DENND2B: variants seen among roughly 807,000 people sequenced by gnomAD.
The protein encoded by DENND2B is DENN domain containing 2B, also known as DENN domain-containing protein 2B.
In DENND2B, 32 loss-of-function variants were observed where a neutral mutation model predicts 116.0. The ratio of observed to expected loss-of-function variants is 0.28; its 90% confidence interval spans 0.21 to 0.37. DENND2B has a LOEUF of 0.37. DENND2B is among the 10% of genes least tolerant of loss of function. The pLI, the probability that DENND2B is intolerant of heterozygous loss-of-function variation, is 1.00. For synonymous variants in DENND2B, 588 were observed against 583.9 expected, an observed-to-expected ratio of 1.01 and a Z score of -0.10; for missense variants, 1,276 against 1,477.7, an observed-to-expected ratio of 0.86 and a Z score of 2.24.
At chr11:8,887,398 T>C (rs951162027) in intron 1 of DENND2B, among the ~76,000 whole-genome samples, 2 of 152,148 alleles carry the variant, frequency 1.3e-5, no homozygotes, top group African/African-American at 2.4e-5. Flanking sequence ...GTATTTTCCC[T>C]CTCTCCCCAC....
At chr11:8,884,676 A>G (rs1211890406) in intron 1 of DENND2B, among the ~76,000 whole-genome samples, 4 of 152,152 alleles carry the variant, frequency 2.6e-5, no homozygotes, top group Non-Finnish European at 5.9e-5. Context: ...AAAGTCACCA[A>G]TTTCACAAGA....
intron 1 of DENND2B, among the ~76,000 whole-genome samples, chr11:8,751,741 CAAAG>C (rs1428039807): frequency 1.3e-5 from 2 of 152,058 alleles, no homozygotes; most frequent in African/African-American, 2.4e-5. Context: ...ACAAAATAAA[CAAAG>C]AAGCCCAAGA....
intron 9 of DENND2B, chr11:8,711,940 TGTC>T (rs1315607148): frequency 6.6e-6 from 3 of 455,652 alleles, no homozygotes; most frequent in Non-Finnish European, 1.3e-5. Flanking sequence ...TCCATGCAGG[TGTC>T]TGGACAGACC....
intron 1 of DENND2B, among the ~76,000 whole-genome samples, chr11:8,771,514 A>G (rs899433795): frequency 7.4e-6 from 1 of 135,074 alleles, no homozygotes; most frequent in Admixed American, 8.9e-5. Flanking sequence ...GAATATATAT[A>G]TGTGTATATA....
chr11:8,821,224 G>C (rs2061750931), intron 4 of DENND2B, among the ~76,000 whole-genome samples: 1 of 151,466 alleles, frequency 6.6e-6, no homozygotes, highest in South Asian at 2.1e-4. Flanking sequence ...TTGTTCTAAG[G>C]AGAAAAGAGG....
intron 1 of DENND2B, among the ~76,000 whole-genome samples, chr11:8,753,769 G>T (rs962702545): frequency 6.6e-6 from 1 of 152,146 alleles, no homozygotes; most frequent in African/African-American, 2.4e-5. Flanking sequence ...ATGGTCAACA[G>T]ATTTTCAATA....
intron 1 of DENND2B, among the ~76,000 whole-genome samples, chr11:8,895,886 G>A (rs946535197): frequency 6.6e-6 from 1 of 151,840 alleles, no homozygotes; most frequent in African/African-American, 2.4e-5. Context: ...TGGCTCCCAA[G>A]GTGCTCGAAT....
intron 3 of DENND2B, among the ~76,000 whole-genome samples, chr11:8,852,466 T>C (rs1433227207): frequency 1.3e-5 from 2 of 152,100 alleles, no homozygotes; most frequent in Admixed American, 1.3e-4. Flanking sequence ...ACTTTGTCTT[T>C]ACAAAAATAG....
intron 8 of DENND2B, 121 bp downstream of exon 8, chr11:8,713,877 C>CT (rs1212574104): frequency 7.6e-6 from 8 of 1,046,546 alleles, no homozygotes; most frequent in Non-Finnish European, 1.2e-5. Context: ...TCTGGCCTGT[C>CT]TGTCACCTCT....
chr11:8,784,710 C>T lies in DENND2B; in HGVS notation c.-26+25807G>A, dbSNP rs573874439. On this transcript the variant is annotated intron_variant, in intron 1 of 19. Transcript: ENST00000313726. ...AAAATTAGCTGGGCGTGGTGGCGCA[C>T]GCCTGTAATCCCAGCTACTTGGGAG... is the stretch of plus-strand genomic sequence containing the variant. Among the ~76,000 whole-genome samples, 9 of 151,828 alleles carry T rather than the reference C, an allele frequency of 5.9e-5. No individual in the cohort carries two copies. The South Asian group carries it at 6.3e-4, about 11-fold the overall frequency.
intron 2 of DENND2B, among the ~76,000 whole-genome samples, chr11:8,736,478 C>T (rs1032613924): frequency 3.3e-5 from 5 of 152,080 alleles, no homozygotes; most frequent in Admixed American, 3.3e-4. Flanking sequence ...GAGCAGGTAA[C>T]ATATCAACTC....
At chr11:8,888,373 T>C (rs2568040) in intron 1 of DENND2B, among the ~76,000 whole-genome samples, 3,217 of 152,266 alleles carry the variant, frequency 0.021, 84 homozygotes, top group East Asian at 0.084. Flanking sequence ...CTGGTGGCCA[T>C]TGTTGCAAGA....
chr11:8,729,911 C>T (rs771010271), intron 3 of DENND2B, 39 bp downstream of exon 3: 3 of 1,598,854 alleles, frequency 1.9e-6, no homozygotes, highest in Non-Finnish European at 2.6e-6. Flanking sequence ...AAGAAAGCCA[C>T]GGTATTCAGC....
At chr11:8,848,535 TAAGGAATTA>T (rs1258395363) in intron 3 of DENND2B, among the ~76,000 whole-genome samples, 15 of 152,190 alleles carry the variant, frequency 9.9e-5, no homozygotes, top group African/African-American at 3.6e-4. Context: ...CAGATGATAT[TAAGGAATTA>T]TTGTTAGTTT....
At chr11:8,774,470 A>G (rs981679345) in intron 1 of DENND2B, among the ~76,000 whole-genome samples, 1 of 152,186 alleles carries the variant, frequency 6.6e-6, no homozygotes, top group Non-Finnish European at 1.5e-5. Context: ...TCAGAAGGAA[A>G]GCCAGAAGCT....
intron 1 of DENND2B, among the ~76,000 whole-genome samples, chr11:8,768,009 G>A (rs1312285239): frequency 2.6e-5 from 4 of 151,960 alleles, no homozygotes; most frequent in Admixed American, 2.6e-4. Flanking sequence ...AGAACAGGGA[G>A]GGACAAAAGA....
chr11:8,781,716 T>A (rs1484500614), intron 1 of DENND2B, among the ~76,000 whole-genome samples: 1 of 151,492 alleles, frequency 6.6e-6, no homozygotes, highest in African/African-American at 2.4e-5. Context: ...ACAGAGCACA[T>A]AACTGACAAG....
intron 1 of DENND2B, among the ~76,000 whole-genome samples, chr11:8,799,433 C>T (rs767396323): frequency 1.4e-4 from 21 of 152,146 alleles, no homozygotes; most frequent in Non-Finnish European, 2.6e-4. Flanking sequence ...TCAAAAGCCT[C>T]AATTCTCAGA....
At chr11:8,764,728 G>T (rs2055315801) in intron 1 of DENND2B, among the ~76,000 whole-genome samples, 1 of 152,006 alleles carries the variant, frequency 6.6e-6, no homozygotes, top group Non-Finnish European at 1.5e-5. Flanking sequence ...CAGCACTTTG[G>T]GAGGTCAGGA....
Sources: gnomAD v4.1 joint callset for allele counts (sites outside exome capture counted in the v4.1 genomes callset) on GRCh38, gnomAD v4.1.1 for gene constraint, MANE v1.5 for transcripts, NCBI Gene and HGNC (gene_info 2026-07-23, HGNC 2026-07-21) for gene names.